Variants in DPP6 observed in about 807,000 individuals in gnomAD.
DPP6 encodes the protein A-type potassium channel modulatory protein DPP6.
DPP6 carries 69 observed loss-of-function variants against 122.6 expected under a neutral mutation model. The observed-to-expected ratio is 0.56, with a 90% CI of 0.46 to 0.69. The LOEUF is 0.69. Ranked by LOEUF, DPP6 falls within the 30% of genes least tolerant of loss-of-function variation. DPP6 has a pLI of 0.00. For synonymous variants in DPP6, 418 were observed against 433.1 expected (o/e 0.97, Z 0.43); for missense variants, 928 against 1,116.9 (o/e 0.83, Z 2.41).
Position 154,853,775 on chromosome 7 carries a change from C to T in DPP6, c.1667-5C>T. 1.2e-6 allele frequency: 2 copies of T among 1,613,618 alleles called. No homozygotes were observed. The highest frequency in any genetic ancestry group is 8.5e-7 in the Non-Finnish European group (1 of 1,179,730). On this transcript the variant is annotated splice_region_variant and splice_polypyrimidine_tract_variant and intron_variant, in intron 16 of 25. Coordinates refer to ENST00000377770, the MANE Select transcript of DPP6 (RefSeq NM_130797.4). ...TTCTTCCTGGCTATTCTCTACCCAA[C>T]ACAGGTCCTGGTGTTCCTATGGTGA...
chr7:153,771,603 G>A, the DPP6 span, among the ~76,000 whole-genome samples: 25 of 152,268 alleles, frequency 1.6e-4, no homozygotes, highest in African/African-American at 6.0e-4. Flanking sequence ...GCCTCCCAAA[G>A]TGCTGGGGTT....
intron 1 of DPP6, among the ~76,000 whole-genome samples, chr7:154,065,106 A>G (rs1249024285): frequency 2.0e-5 from 3 of 152,072 alleles, no homozygotes; most frequent in African/African-American, 4.8e-5. Context: ...GAATTTCCAT[A>G]GCATTATCAT....
At chr7:154,791,091 A>G (rs1188485771) in intron 10 of DPP6, among the ~76,000 whole-genome samples, 8 of 151,978 alleles carry the variant, frequency 5.3e-5, no homozygotes, top group Non-Finnish European at 1.2e-4. Context: ...ATCTCTACTA[A>G]AAACACAAAA....
At chr7:154,546,286 G>A (rs754495889) in intron 4 of DPP6, among the ~76,000 whole-genome samples, 1 of 152,088 alleles carries the variant, frequency 6.6e-6, no homozygotes, top group South Asian at 2.1e-4. Flanking sequence ...ATCTTGTTGG[G>A]TGGTGAGATT....
At chr7:154,471,839 T>A (rs75806387) in intron 2 of DPP6, among the ~76,000 whole-genome samples, 1 of 152,166 alleles carries the variant, frequency 6.6e-6, no homozygotes, top group Non-Finnish European at 1.5e-5. Context: ...AGCATGAAAC[T>A]ATAAAATATG....
rs1009512106 is a variant in DPP6 at position 154,481,493 on chromosome 7, C to T, written c.457+6456C>T. The stretch of plus-strand genomic sequence containing the variant: ...TCCTCCCCCAACCTCTTCACAGACC[C>T]CCCGCTGCCCACTGTGCGAGCACAG... On this transcript the variant is annotated intron_variant, in intron 3 of 25. Coordinates refer to ENST00000377770, the MANE Select transcript of DPP6 (RefSeq NM_130797.4). This position sits in a 1 kb window ranked among gnomAD's most constrained non-coding sequence, Gnocchi z 4.2. 6.6e-6 allele frequency among the ~76,000 whole-genome samples: 1 copy of T among 151,510 alleles called. No homozygotes were observed.
At chr7:153,843,436 G>A in the DPP6 span, among the ~76,000 whole-genome samples, 2 of 152,098 alleles carry the variant, frequency 1.3e-5, no homozygotes, top group Admixed American at 6.6e-5. Context: ...AATGCAACGG[G>A]GCTCTCTCTT....
chr7:153,804,687 G>T, the DPP6 span, among the ~76,000 whole-genome samples: 147 of 152,218 alleles, frequency 9.7e-4, 4 homozygotes, highest in East Asian at 0.024. Context: ...AAGGTCAGGA[G>T]TTCGAGACCA....
chr7:154,699,236 C>T (rs549870161), intron 7 of DPP6, among the ~76,000 whole-genome samples: 85 of 152,222 alleles, frequency 5.6e-4, no homozygotes, highest in Middle Eastern at 6.8e-3. Flanking sequence ...GGAGGCCACT[C>T]GTATTAGGAC....
intron 7 of DPP6, among the ~76,000 whole-genome samples, chr7:154,690,058 G>A (rs34235410): frequency 0.053 from 8,121 of 152,240 alleles, 297 homozygotes; most frequent in African/African-American, 0.1. Flanking sequence ...CTTGGCACCA[G>A]TGTGCTTATA....
In DPP6 at chr7:154,637,867, C is replaced by A. The variant is rs869025384; in HGVS notation, c.674C>A (p.Pro225His). 1 of 1,575,026 alleles carries A rather than the reference C, an allele frequency of 6.3e-7. No individual in the cohort carries two copies. The highest frequency in any genetic ancestry group is 8.6e-7 in the Non-Finnish European group (1 of 1,158,328). ...YTGYYVLSKI[P>H]HGDPQSLDPP... ...GGATATTACGTCCTGAGCAAAATTCCTCATGGGTAAGAGTGTTCTTTTCTT... is the reference window on the plus strand; with the variant it reads ...GGATATTACGTCCTGAGCAAAATTCATCATGGGTAAGAGTGTTCTTTTCTT... Residue 225 changes from proline (P) to histidine (H), a missense_variant, in exon 6 of 26, where the codon CCT (proline) becomes CAT (histidine). Coordinates refer to ENST00000377770, the MANE Select transcript of DPP6 (RefSeq NM_130797.4).
intron 1 of DPP6, among the ~76,000 whole-genome samples, chr7:154,074,212 T>G (rs1803385758): frequency 1.3e-5 from 2 of 151,812 alleles, no homozygotes; most frequent in African/African-American, 4.8e-5. Flanking sequence ...ACTCAACAGG[T>G]GCATGTCATA....
At chr7:153,920,489 T>C (rs1429759722) in intron 1 of DPP6, among the ~76,000 whole-genome samples, 1 of 151,474 alleles carries the variant, frequency 6.6e-6, no homozygotes, top group Non-Finnish European at 1.5e-5. Context: ...CCAGAATGGG[T>C]TGTAGAACTC....
intron 1 of DPP6, among the ~76,000 whole-genome samples, chr7:153,940,640 A>G (rs1394203611): frequency 6.6e-6 from 1 of 152,120 alleles, no homozygotes; most frequent in East Asian, 1.9e-4. Context: ...TTCCCCTTGC[A>G]TCTCCCTGTA....
At chr7:154,745,614 G>A (rs1196288883) in intron 8 of DPP6, among the ~76,000 whole-genome samples, 1 of 152,206 alleles carries the variant, frequency 6.6e-6, no homozygotes, top group African/African-American at 2.4e-5. Context: ...TATAGCCTGT[G>A]CAAGACACAT....
intron 3 of DPP6, among the ~76,000 whole-genome samples, chr7:154,492,174 A>C (rs1824333618): frequency 6.6e-6 from 1 of 152,220 alleles, no homozygotes; most frequent in Admixed American, 6.5e-5. Flanking sequence ...GGTATATTTT[A>C]AATGTTAAAA....
chr7:154,128,545 G>A (rs1808106627), intron 1 of DPP6, among the ~76,000 whole-genome samples: 1 of 152,090 alleles, frequency 6.6e-6, no homozygotes, highest in South Asian at 2.1e-4. Context: ...GGGACTACAG[G>A]CGCCCGCCAC....
chr7:154,532,333 A>T (rs935512601), intron 3 of DPP6, among the ~76,000 whole-genome samples: 1 of 152,176 alleles, frequency 6.6e-6, no homozygotes, highest in African/African-American at 2.4e-5. Context: ...GTGAGACGTC[A>T]CTAATGCTAT....
At chr7:153,869,304 A>G in the DPP6 span, among the ~76,000 whole-genome samples, 1 of 151,706 alleles carries the variant, frequency 6.6e-6, no homozygotes, top group East Asian at 1.9e-4. Flanking sequence ...TTTGTAGGTC[A>G]CTAAGGACTT....
Sources: gnomAD v4.1 joint callset for allele counts (sites outside exome capture counted in the v4.1 genomes callset) on GRCh38, gnomAD v4.1.1 for gene constraint, Gnocchi (gnomAD v3.1) non-coding constraint, MANE v1.5 for transcripts, NCBI Gene and HGNC (gene_info 2026-07-23, HGNC 2026-07-21) for gene names.